CCSER1: variants seen among roughly 807,000 people sequenced by gnomAD.
The protein encoded by CCSER1 is coiled-coil serine rich protein 1.
CCSER1 carries 41 observed loss-of-function variants against 82.0 expected under a neutral mutation model. That is an observed-to-expected ratio of 0.50 (90% CI 0.39 to 0.65). The LOEUF (loss-of-function observed/expected upper bound fraction) is 0.65, where lower values mean the gene tolerates loss of function less well. CCSER1 is among the 30% of genes least tolerant of loss of function. CCSER1 has a pLI of 0.00. For missense variants in CCSER1, 1,119 were observed against 1,064.2 expected, an observed-to-expected ratio of 1.05 and a Z score of -0.72; for synonymous variants, 414 against 383.9, an observed-to-expected ratio of 1.08 and a Z score of -0.92.
chr4:90,312,843 A>G lies in CCSER1; in HGVS notation c.1325-20A>G, dbSNP rs1579120041. The stretch of plus-strand genomic sequence containing the variant: ...CATTTAAATATTTACCTTCATTTTT[A>G]TTTATTTTCCTTTCCATAGTTCTTG... On this transcript the variant is annotated intron_variant, in intron 2 of 10. Transcript: ENST00000509176. The G allele has an allele frequency of 6.0e-6, 9 of 1,492,480 alleles. No homozygotes were observed. The highest frequency in any genetic ancestry group is 1.4e-5 in the African/African-American group (1 of 70,976). The allele number at this position is 1,492,480 out of a possible 1,614,324, so 92.5% of individuals were successfully genotyped here. A position where few individuals can be genotyped will look rare whatever the true frequency, so the allele number is the denominator to read the frequency against.
At chr4:91,592,261 T>G (rs1199617932) in intron 10 of CCSER1, among the ~76,000 whole-genome samples, 3 of 152,128 alleles carry the variant, frequency 2.0e-5, no homozygotes, top group Non-Finnish European at 4.4e-5. Flanking sequence ...GAGAAACCTC[T>G]TATAAAACTA....
intron 1 of CCSER1, among the ~76,000 whole-genome samples, chr4:90,161,776 G>A (rs1487921793): frequency 6.6e-6 from 1 of 152,022 alleles, no homozygotes; most frequent in Admixed American, 6.6e-5. Flanking sequence ...TTGATCAAAA[G>A]TAAAAATGTA....
chr4:91,383,910 T>G, intron 10 of CCSER1, among the ~76,000 whole-genome samples: 1 of 152,150 alleles, frequency 6.6e-6, no homozygotes, highest in East Asian at 1.9e-4. Flanking sequence ...AGACAAATTT[T>G]TTTAATGGAT....
At chr4:90,856,370 T>A (rs1316450234) in intron 8 of CCSER1, among the ~76,000 whole-genome samples, 1 of 152,182 alleles carries the variant, frequency 6.6e-6, no homozygotes, top group African/African-American at 2.4e-5. Flanking sequence ...TGTATCAAAT[T>A]TTTAAAGCTA....
intron 1 of CCSER1, among the ~76,000 whole-genome samples, chr4:90,185,099 G>A (rs1394262868): frequency 6.6e-6 from 1 of 152,058 alleles, no homozygotes; most frequent in Non-Finnish European, 1.5e-5. Flanking sequence ...AGAGTCAGCA[G>A]TATTGAGTGA....
chr4:90,792,676 A>G (rs1755428969), intron 7 of CCSER1, among the ~76,000 whole-genome samples: 1 of 152,266 alleles, frequency 6.6e-6, no homozygotes, highest in Non-Finnish European at 1.5e-5. Context: ...CAAAGGAAAG[A>G]AGGCTGCCCT....
chr4:90,400,804 T>G (rs1752748760), intron 4 of CCSER1, among the ~76,000 whole-genome samples: 1 of 152,184 alleles, frequency 6.6e-6, no homozygotes, highest in African/African-American at 2.4e-5. Context: ...TCCATTCAAA[T>G]TTAGATATTT....
intron 8 of CCSER1, among the ~76,000 whole-genome samples, chr4:90,896,647 ATAT>A (rs1723764193): frequency 1.3e-5 from 2 of 152,036 alleles, no homozygotes; most frequent in South Asian, 4.1e-4. Flanking sequence ...AATCTAGCCA[ATAT>A]TTTTAAATAT....
At chr4:90,746,422 C>G (rs1350205626) in intron 7 of CCSER1, among the ~76,000 whole-genome samples, 1 of 152,124 alleles carries the variant, frequency 6.6e-6, no homozygotes, top group African/African-American at 2.4e-5. Flanking sequence ...CCATTGGGAA[C>G]TTAAATAATA....
At chr4:90,879,627 G>A (rs71611405) in intron 8 of CCSER1, among the ~76,000 whole-genome samples, 12 of 123,130 alleles carry the variant, frequency 9.7e-5, no homozygotes, top group Admixed American at 5.1e-4. Context: ...AGGAGGAGGA[G>A]GAAAGAAGAA....
intron 9 of CCSER1, among the ~76,000 whole-genome samples, chr4:91,015,191 CAT>C (rs564187266): frequency 4.6e-4 from 70 of 152,078 alleles, no homozygotes; most frequent in African/African-American, 1.3e-3. Context: ...TCATTAAAAA[CAT>C]GTGGTTATCT....
At chr4:90,735,679 T>C (rs1350944958) in intron 7 of CCSER1, among the ~76,000 whole-genome samples, 2 of 152,096 alleles carry the variant, frequency 1.3e-5, no homozygotes, top group Non-Finnish European at 2.9e-5. Flanking sequence ...TCTGATTTTA[T>C]TGGTATGGGC....
intron 6 of CCSER1, among the ~76,000 whole-genome samples, chr4:90,647,717 A>G (rs1727847569): frequency 6.6e-6 from 1 of 152,160 alleles, no homozygotes; most frequent in African/African-American, 2.4e-5. Flanking sequence ...GGTGTAGGAG[A>G]ACAAAAAGCA....
chr4:91,324,995 G>C (rs1746450960), intron 10 of CCSER1: 1 of 346,198 alleles, frequency 2.9e-6, no homozygotes, highest in Non-Finnish European at 5.6e-6. Context: ...CATGAAGGCA[G>C]ATTTCCCCCT....
At chr4:90,780,429 A>G in intron 7 of CCSER1, 1 of 1,609,112 alleles carries the variant, frequency 6.2e-7, no homozygotes, top group Non-Finnish European at 8.5e-7. Flanking sequence ...ATTTATTTTT[A>G]TTGTTTTTAC....
intron 5 of CCSER1, among the ~76,000 whole-genome samples, chr4:90,567,746 G>A (rs894634276): frequency 9.2e-5 from 14 of 151,680 alleles, no homozygotes; most frequent in African/African-American, 3.4e-4. Flanking sequence ...AGCTGGGACT[G>A]CAGGCACACA....
chr4:90,739,745 T>A (rs1224265002), intron 7 of CCSER1, among the ~76,000 whole-genome samples: 1 of 152,190 alleles, frequency 6.6e-6, no homozygotes, highest in African/African-American at 2.4e-5. Flanking sequence ...CAGGCAGCAC[T>A]GTGTTCCAAT....
At chr4:90,841,494 C>T (rs934197836) in intron 8 of CCSER1, among the ~76,000 whole-genome samples, 1 of 149,118 alleles carries the variant, frequency 6.7e-6, no homozygotes, top group Non-Finnish European at 1.5e-5. Context: ...AGGAGAATGG[C>T]TTGAACCCTG....
chr4:91,528,397 CA>C (rs1760871755), intron 10 of CCSER1, among the ~76,000 whole-genome samples: 1 of 152,078 alleles, frequency 6.6e-6, no homozygotes, highest in Non-Finnish European at 1.5e-5. Flanking sequence ...GTATTATCAA[CA>C]TACAGCTAAT....
Sources: allele counts gnomAD v4.1 joint callset (sites outside exome capture counted in the v4.1 genomes callset), GRCh38; gene constraint gnomAD v4.1.1; transcripts MANE v1.5; gene names NCBI Gene and HGNC (gene_info 2026-07-23, HGNC 2026-07-21).